The following USP24 variants were observed in gnomAD, a reference collection of about 807,000 sequenced individuals.
The protein encoded by USP24 is ubiquitin specific peptidase 24, also known as ubiquitin carboxyl-terminal hydrolase 24.
Under a neutral mutation model 361.6 loss-of-function variants are expected in USP24, and 97 were observed. The ratio of observed to expected loss-of-function variants is 0.27; its 90% CI spans 0.23 to 0.32. The LOEUF (loss-of-function observed/expected upper bound fraction) is 0.32, where lower values mean the gene tolerates loss of function less well. Ranked by LOEUF, USP24 falls within the 10% of genes least tolerant of loss-of-function variation. The pLI, the probability that USP24 is intolerant of heterozygous loss-of-function variation, is 1.00. For synonymous variants in USP24, 1,098 were observed against 1,124.6 expected, an observed-to-expected ratio of 0.98 and a Z score of 0.47; for missense variants, 2,353 against 3,165.6, an observed-to-expected ratio of 0.74 and a Z score of 6.16.
intron 1 of USP24, among the ~76,000 whole-genome samples, chr1:55,213,768 C>T (rs1459500011): frequency 6.6e-6 from 1 of 151,984 alleles, no homozygotes; most frequent in African/African-American, 2.4e-5. Flanking sequence ...TAGAAGAGTC[C>T]GTTTTCTTCC....
rs77215361 is a variant in USP24, at chr1:55,167,712, C to T, written c.826-1109G>A. Among the ~76,000 whole-genome samples the T allele has an allele frequency of 7.5e-3, 1,135 of 152,114 alleles. 10 individuals are homozygous for T. Among genetic ancestry groups the T allele is most frequent in the African/African-American group, 0.027 (1,101 of 41,486 alleles). ...GGCGCCGAGAGAGGTCAAATGGAGA[C>T]ATATTAGAGATTAAATCAAAGGACT... On this transcript the variant is annotated intron_variant, in intron 5 of 67. Coordinates refer to ENST00000294383, the MANE Select transcript of USP24 (RefSeq NM_015306.3).
rs1217219187 is a variant in USP24 at position 55,144,135 on chromosome 1, C to A, written c.2431G>T (p.Ala811Ser). The A allele has an allele frequency of 6.2e-7, 1 of 1,606,400 alleles. No individual in the cohort carries two copies. Among genetic ancestry groups the A allele is most frequent in the Non-Finnish European group, 8.5e-7 (1 of 1,177,016 alleles). Residue 811 changes from alanine to serine, a missense_variant, in exon 21 of 68, where the codon GCT (alanine) becomes TCT (serine). Coordinates refer to ENST00000294383, the MANE Select transcript of USP24 (RefSeq NM_015306.3). ...GAGAATAACGTACTTACCAACTGAGCTCCTTGTCTTTTCAATCGATGATCA... is the reference window on the plus strand; with the variant it reads ...GAGAATAACGTACTTACCAACTGAGATCCTTGTCTTTTCAATCGATGATCA... ...LCDHRLKRQG[A>S]QLYVEKLELI...
intron 31 of USP24, among the ~76,000 whole-genome samples, chr1:55,130,721 G>C (rs187893660): frequency 6.6e-6 from 1 of 152,234 alleles, no homozygotes; most frequent in Non-Finnish European, 1.5e-5. Context: ...TCTGACCCCA[G>C]CTGCCTCATG....
intron 3 of USP24, among the ~76,000 whole-genome samples, chr1:55,173,330 T>C (rs1308349107): frequency 1.3e-5 from 2 of 152,202 alleles, no homozygotes; most frequent in Non-Finnish European, 2.9e-5. Context: ...TTTGTAGCTA[T>C]GTTTCTTAAA....
Position 55,125,565 on chromosome 1 carries a change from T to G in USP24, c.3732-17A>C. 1 of 1,604,598 alleles carries G rather than the reference T, an allele frequency of 6.2e-7. No homozygotes were observed. The highest frequency in any genetic ancestry group is 8.5e-7 in the Non-Finnish European group (1 of 1,174,272). The stretch of plus-strand genomic sequence containing the variant: ...AGTAAAAATCTTAAAAAGAAACAGC[T>G]AGACTTATTCTGAGTCCATTCATAC... On this transcript the variant is annotated splice_polypyrimidine_tract_variant and intron_variant, in intron 33 of 67. Coordinates refer to ENST00000294383, the MANE Select transcript of USP24 (RefSeq NM_015306.3).
In USP24 at chr1:55,110,165, C is replaced by G. The variant is rs1040871730; in HGVS notation, c.4570+20G>C. 37 of 1,541,008 alleles carry G rather than the reference C, an allele frequency of 2.4e-5. No individual in the cohort carries two copies. The highest frequency in any genetic ancestry group is 3.2e-5 in the Non-Finnish European group (37 of 1,140,776). On this transcript the variant is annotated intron_variant, in intron 39 of 67. Coordinates refer to ENST00000294383, the MANE Select transcript of USP24 (RefSeq NM_015306.3). Reference sequence around the variant, plus strand: ...ACTCTTCCCCAGCCCCTCTCCCCTACATATTAGTCATTTACTTACTTGTCA... The same window carrying G: ...ACTCTTCCCCAGCCCCTCTCCCCTAGATATTAGTCATTTACTTACTTGTCA...
At chr1:55,214,697 T>C (rs1644940555) in intron 1 of USP24, 93 bp downstream of exon 1, 2 of 1,036,750 alleles carry the variant, frequency 1.9e-6, no homozygotes, top group Non-Finnish European at 1.2e-6. Context: ...TCGAATGCCC[T>C]CTCTCCCCAC....
intron 38 of USP24, among the ~76,000 whole-genome samples, chr1:55,117,500 G>C (rs1464297921): frequency 6.6e-6 from 1 of 150,904 alleles, no homozygotes; most frequent in African/African-American, 2.4e-5. Flanking sequence ...AGGCCGAGGC[G>C]GGTGGATCAT....
At chr1:55,196,802 C>T (rs1490351623) in intron 1 of USP24, among the ~76,000 whole-genome samples, 1 of 152,218 alleles carries the variant, frequency 6.6e-6, no homozygotes, top group Non-Finnish European at 1.5e-5. Context: ...GTGACAGTTG[C>T]CTGCAAGGCC....
rs549601995 is a variant in USP24 at position 55,113,790 on chromosome 1, C to T, written c.4509-3544G>A. Among the ~76,000 whole-genome samples, 614 of 152,152 alleles carry T rather than the reference C, an allele frequency of 4.0e-3. 1 individual carries two copies. Among genetic ancestry groups the T allele is most frequent in the Admixed American group, 5.8e-3 (88 of 15,286 alleles). On this transcript the variant is annotated intron_variant, in intron 38 of 67. Transcript: ENST00000294383. Reference sequence around the variant, plus strand: ...ATAATAAGAGCTATTTATGACAAACCCACAGCCAATATCATACTGAATGGG... The same window carrying T: ...ATAATAAGAGCTATTTATGACAAACTCACAGCCAATATCATACTGAATGGG...
At chr1:55,096,804 A>C in intron 49 of USP24, 148 bp downstream of exon 49, 1 of 1,323,200 alleles carries the variant, frequency 7.6e-7, no homozygotes, top group Non-Finnish European at 1.0e-6. Flanking sequence ...AAGGGGTAAA[A>C]CCAGTTGCAC....
rs549604229 is a variant in USP24 at position 55,193,216 on chromosome 1, A to G, written c.325-15084T>C. ...GTAATCTAGAGATGATTTAAAGTAC[A>G]CAGGAGGATGTGCTTAGGATACATG... On this transcript the variant is annotated intron_variant, in intron 1 of 67. Coordinates refer to ENST00000294383, the MANE Select transcript of USP24 (RefSeq NM_015306.3). Among the ~76,000 whole-genome samples the G allele has an allele frequency of 1.8e-4, 27 of 152,326 alleles. No homozygotes were observed. In the East Asian group the frequency reaches 5.0e-3, roughly 28 times the overall value.
At chr1:55,166,029 TAGGTGTATA>T in intron 6 of USP24, 79 bp from the exon 7 acceptor site, 1 of 1,367,464 alleles carries the variant, frequency 7.3e-7, no homozygotes, top group Non-Finnish European at 1.0e-6. Context: ...TGGTACATAG[TAGGTGTATA>T]TGTTTATGGG....
chr1:55,138,556 T>C (rs1646800587), intron 26 of USP24, 52 bp downstream of exon 26: 1 of 1,354,848 alleles, frequency 7.4e-7, no homozygotes, highest in East Asian at 2.4e-5. Context: ...GACTGCTTTA[T>C]GAAAATAATA....
At chr1:55,182,944 C>T (rs955683443) in intron 1 of USP24, among the ~76,000 whole-genome samples, 2 of 152,064 alleles carry the variant, frequency 1.3e-5, no homozygotes, top group Non-Finnish European at 2.9e-5. Context: ...GTCTTGAACT[C>T]CTGACCGCAA....
chr1:55,212,880 A>T (rs1249581547), intron 1 of USP24, among the ~76,000 whole-genome samples: 1 of 152,162 alleles, frequency 6.6e-6, no homozygotes, highest in Non-Finnish European at 1.5e-5. Context: ...TATGGATTTT[A>T]ATTTACCGCA....
intron 1 of USP24, among the ~76,000 whole-genome samples, chr1:55,179,027 T>A (rs533267983): frequency 6.6e-6 from 1 of 152,312 alleles, no homozygotes; most frequent in South Asian, 2.1e-4. Context: ...CATCTTCATC[T>A]CCACACCACT....
chr1:55,141,588 T>A, intron 24 of USP24, 28 bp downstream of exon 24: 3 of 1,561,076 alleles, frequency 1.9e-6, no homozygotes, highest in Non-Finnish European at 2.6e-6. Context: ...ATATGTGTGT[T>A]GTGTATTTTT....
chr1:55,143,758 C>G (rs918939153), intron 21 of USP24, among the ~76,000 whole-genome samples: 1 of 152,016 alleles, frequency 6.6e-6, no homozygotes, highest in Admixed American at 6.6e-5. Flanking sequence ...AGGACGAAGA[C>G]TGTTCTTGCT....
Sources: allele counts gnomAD v4.1 joint callset (sites outside exome capture counted in the v4.1 genomes callset), GRCh38; gene constraint gnomAD v4.1.1; transcripts MANE v1.5; gene names NCBI Gene and HGNC (gene_info 2026-07-23, HGNC 2026-07-21).